The following C2CD4D variants were observed in gnomAD, a reference collection of about 807,000 sequenced individuals.
C2CD4D encodes C2 calcium dependent domain containing 4D, also known as C2 calcium-dependent domain-containing protein 4D.
C2CD4D carries 1 observed loss-of-function variant against 0.2 expected under a neutral mutation model. That is an observed-to-expected ratio of 4.00 (90% CI 1.42 to 18.99). The LOEUF (loss-of-function observed/expected upper bound fraction) is 18.99, where lower values mean the gene tolerates loss of function less well. Among genes scored for constraint, C2CD4D ranks in the 30% most tolerant of loss-of-function variants. The pLI, the probability that C2CD4D is intolerant of heterozygous loss-of-function variation, is 0.11. For synonymous variants in C2CD4D, 269 were observed against 279.8 expected (o/e 0.96, Z 0.39); for missense variants, 552 against 551.2 (o/e 1.00, Z -0.01).
In C2CD4D at chr1:151,838,193, GGCCGCAGCCTCAGCACCACACAGCAGCC is replaced by G. The variant is rs752723922; in HGVS notation, c.769_796del (p.Gly257ProfsTer40). 6.5e-7 allele frequency: 1 copy of G among 1,549,634 alleles called. No homozygotes were observed. The highest frequency in any genetic ancestry group is 1.2e-5 in the South Asian group (1 of 83,986). On this transcript the variant is annotated frameshift_variant, in exon 2 of 2. Transcript: ENST00000454109. LOFTEE classifies it low-confidence loss of function (END_TRUNC). ...CTGCTGCTCCCGCGGCCGGACGCGG[GGCCGCAGCCTCAGCACCACACAGCAGCC>G]GCCGCCGCCGCTCCCGGGGCGGGAC... is the stretch of plus-strand genomic sequence containing the variant.
At chr1:151,838,648 C>T in exon 2 of C2CD4D, 1 of 1,343,720 alleles carries the variant, frequency 7.4e-7, no homozygotes, top group Non-Finnish European at 9.5e-7. Context: ...GTCCCCCGGC[C>T]GGGGCAGGTG....
rs1331565053 is a variant in C2CD4D at position 151,838,147 on chromosome 1, G to A, written c.843C>T (p.Ser281=). 10 of 1,551,176 alleles carry A rather than the reference G, an allele frequency of 6.4e-6. No individual in the cohort carries two copies. In the East Asian group the frequency reaches 2.4e-4, roughly 38 times the overall value. ...AATCCTCGTTGAAGATGGGGTTGGCGCTGCACTTGACCACGCGGCTCTGCT... is the reference window on the plus strand; with the variant it reads ...AATCCTCGTTGAAGATGGGGTTGGCACTGCACTTGACCACGCGGCTCTGCT... Residue 281 remains serine (S), a synonymous_variant, in exon 2 of 2, where the codon AGC becomes AGT. Transcript: ENST00000454109.
chr1:151,838,371 T>G, exon 2 of C2CD4D: 7 of 1,432,910 alleles, frequency 4.9e-6, no homozygotes, highest in Non-Finnish European at 6.4e-6. Context: ...CTCTCGCGCG[T>G]GGGCCGCAGC....
rs1192755799 is a variant in C2CD4D at position 151,838,466 on chromosome 1, CT to C, written c.523del (p.Ser175AlafsTer64). On this transcript the variant is annotated frameshift_variant, in exon 2 of 2. Coordinates refer to ENST00000454109, the Ensembl canonical transcript of C2CD4D. LOFTEE classifies it low-confidence loss of function (END_TRUNC). The stretch of plus-strand genomic sequence containing the variant: ...CGAGTGCGGGCTGGTATCGGCCGAG[CT>C]CGCTTTTTCTGGGGACAGAGAGTGA... 2 of 1,395,696 alleles carry C rather than the reference CT, an allele frequency of 1.4e-6. No homozygotes were observed. The highest frequency in any genetic ancestry group is 6.6e-5 in the Admixed American group (2 of 30,460). The allele number at this position is 1,395,696 out of a possible 1,614,324, so 86.5% of individuals were successfully genotyped here. A position where few individuals can be genotyped will look rare whatever the true frequency, so the allele number is the denominator to read the frequency against.
At position 151,838,088 on chromosome 1, in the gene C2CD4D, G is replaced by C. The variant is rs1197713911; in HGVS notation, c.902C>G (p.Ala301Gly). The change falls in exon 2 of 2, where the codon GCC (alanine) becomes GGC (glycine). Residue 301 changes from alanine (A) to glycine (G), a missense_variant. Ala to Gly is a moderately conservative substitution (Grantham distance 60). Coordinates refer to ENST00000454109, the Ensembl canonical transcript of C2CD4D. ...CACCTTGGCTCTCAGGCTGCGGGCGGCCAGGTCCGGGGGGCCGAGCCCGTC... is the reference window on the plus strand; with the variant it reads ...CACCTTGGCTCTCAGGCTGCGGGCGCCCAGGTCCGGGGGGCCGAGCCCGTC... 6 of 1,551,474 alleles carry C rather than the reference G, an allele frequency of 3.9e-6. No individual in the cohort carries two copies. The Admixed American group carries it at 5.9e-5, about 15-fold the overall frequency.
At chr1:151,840,072 T>TCG (rs1342174115) in intron 1 of C2CD4D, 1 of 152,262 alleles carries the variant, frequency 6.6e-6, no homozygotes, top group Non-Finnish European at 1.5e-5. Context: ...CACCTGTGGG[T>TCG]CGCTTTTGGG....
exon 2 of C2CD4D, chr1:151,838,796 G>C: frequency 7.3e-7 from 1 of 1,365,556 alleles, no homozygotes; most frequent in South Asian, 1.8e-5. Flanking sequence ...CCGGGCCGCG[G>C]GCACTGCGCC....
At chr1:151,839,318 T>G in intron 1 of C2CD4D, 98 bp from the exon 2 acceptor site, 1 of 379,912 alleles carries the variant, frequency 2.6e-6, no homozygotes, top group Non-Finnish European at 4.8e-6. Context: ...GTACTAAAGA[T>G]GCCCCATTCA....
At chr1:151,838,096 C>G (rs925919228) in exon 2 of C2CD4D, 1 of 1,545,464 alleles carries the variant, frequency 6.5e-7, no homozygotes, top group African/African-American at 1.4e-5. Flanking sequence ...CGGCCAGGTC[C>G]GGGGGGCCGA....
exon 2 of C2CD4D, chr1:151,837,867 G>A: frequency 6.9e-7 from 1 of 1,439,878 alleles, no homozygotes; most frequent in Non-Finnish European, 9.2e-7. Context: ...AGCCGGGCAG[G>A]GTGGAAAGAA....
exon 2 of C2CD4D, chr1:151,838,996 G>A: frequency 6.5e-7 from 1 of 1,549,558 alleles, no homozygotes; most frequent in Non-Finnish European, 8.7e-7. Context: ...ACATGCGGTG[G>A]GTGGGGTAAT....
chr1:151,837,985 C>T (rs776569015), exon 2 of C2CD4D: 1 of 1,549,454 alleles, frequency 6.5e-7, no homozygotes, highest in Admixed American at 2.0e-5. Context: ...CCCCACCCAG[C>T]GGGGGCAGCA....
chr1:151,838,015 G>C (rs1201268571), exon 2 of C2CD4D: 1 of 1,551,194 alleles, frequency 6.4e-7, no homozygotes, highest in African/African-American at 1.4e-5. Flanking sequence ...GGGGCGTCTC[G>C]CACTCCCCCA....
At chr1:151,838,628 G>T (rs1184162068) in exon 2 of C2CD4D, 3 of 1,320,328 alleles carry the variant, frequency 2.3e-6, no homozygotes, top group African/African-American at 1.5e-5. Flanking sequence ...CCGGGACTGC[G>T]CCGCGGGGAG....
In C2CD4D at chr1:151,839,809, C is replaced by T. The variant is rs1199465029; in HGVS notation, c.-232+394G>A. On this transcript the variant is annotated intron_variant, in intron 1 of 1. It removes an upstream start codon present in the reference 5' UTR. Transcript: ENST00000454109. ...GCTCCCGCGCCTCCCAGCCCTACCG[C>T]ATCCCGCGTCTGCAGGGCGGGGCCG... 2.0e-5 allele frequency among the ~76,000 whole-genome samples: 3 copies of T among 152,230 alleles called. No individual in the cohort carries two copies. The highest frequency in any genetic ancestry group is 1.5e-5 in the Non-Finnish European group (1 of 68,040).
At chr1:151,838,704 C>T (rs1265409920) in exon 2 of C2CD4D, 2 of 1,372,778 alleles carry the variant, frequency 1.5e-6, no homozygotes, top group Admixed American at 3.0e-5. Context: ...TGCGGGCTCT[C>T]GGGCAGGAAG....
exon 2 of C2CD4D, chr1:151,838,088 G>A: frequency 2.6e-6 from 4 of 1,551,474 alleles, no homozygotes; most frequent in Non-Finnish European, 3.5e-6. Context: ...GCTGCGGGCG[G>A]CCAGGTCCGG....
chr1:151,839,365 A>C, intron 1 of C2CD4D, 145 bp from the exon 2 acceptor site: 1 of 241,744 alleles, frequency 4.1e-6, no homozygotes, highest in Admixed American at 5.3e-5. Context: ...ATCCACCAGA[A>C]CCCTAGGGTA....
chr1:151,838,293 G>A, exon 2 of C2CD4D: 1 of 1,338,810 alleles, frequency 7.5e-7, no homozygotes, highest in Non-Finnish European at 9.6e-7. Context: ...AGCCGCAGCC[G>A]CCCGGGCCCG....
Sources: allele counts gnomAD v4.1 joint callset (sites outside exome capture counted in the v4.1 genomes callset), GRCh38; gene constraint gnomAD v4.1.1; transcripts MANE v1.5; gene names NCBI Gene and HGNC (gene_info 2026-07-23, HGNC 2026-07-21).